The following CHIT1 variants were observed in gnomAD, a reference collection of about 807,000 sequenced individuals.
CHIT1 encodes the protein chitotriosidase-1.
Under a neutral mutation model 52.0 loss-of-function variants are expected in CHIT1, and 47 were observed. That is an observed-to-expected ratio of 0.90 (90% CI 0.71 to 1.15). CHIT1 has a LOEUF of 1.15. Ranked by LOEUF, CHIT1 falls within the 50% of genes most tolerant of loss-of-function variation. CHIT1 has a pLI of 0.00. For missense variants in CHIT1, 569 were observed against 583.0 expected (o/e 0.98, Z 0.25); for synonymous variants, 242 against 228.2 (o/e 1.06, Z -0.54).
intron 1 of CHIT1, among the ~76,000 whole-genome samples, chr1:203,228,987 C>T (rs1303758700): frequency 6.6e-6 from 1 of 152,136 alleles, no homozygotes; most frequent in Admixed American, 6.5e-5. Context: ...CTGGGGAGGG[C>T]CTGTGCCTCT....
chr1:203,223,818 C>T (rs1326382867), intron 4 of CHIT1, among the ~76,000 whole-genome samples, 158 bp from the exon 5 acceptor site: 4 of 152,102 alleles, frequency 2.6e-5, no homozygotes, highest in African/African-American at 7.2e-5. Context: ...GGGATATTTG[C>T]TGGTGAGTTA....
In CHIT1 at chr1:203,219,329, C is replaced by A; in HGVS notation, c.916G>T (p.Val306Phe). ...KEGGMLAYYE[V>F]CSWKGATKQR... is the part of the protein sequence containing the mutation. ...TTGGTGGCCCCCTTCCAGGAGCAGACCTGTGGGAGCAGAAGGCAGCACTGG... is the reference window on the plus strand; with the variant it reads ...TTGGTGGCCCCCTTCCAGGAGCAGAACTGTGGGAGCAGAAGGCAGCACTGG... The change falls in exon 9 of 11, where the codon GTC becomes TTC. Residue 306 changes from valine to phenylalanine, a missense_variant and splice_region_variant. By Grantham distance (50) the Val-to-Phe change is conservative. Transcript: ENST00000367229. The A allele has an allele frequency of 6.4e-7, 1 of 1,568,760 alleles. No individual in the cohort carries two copies. The highest frequency in any genetic ancestry group is 8.8e-7 in the Non-Finnish European group (1 of 1,138,540).
Position 203,216,714 on chromosome 1 carries a change from C to G in CHIT1, c.*175G>C. The G allele has an allele frequency of 1.2e-6, 1 of 814,194 alleles. No individual in the cohort carries two copies. The highest frequency in any genetic ancestry group is 1.4e-5 in the South Asian group (1 of 70,256). The allele number at this position is 814,194 out of a possible 1,614,324, so 50.4% of individuals were successfully genotyped here. A position where few individuals can be genotyped will look rare whatever the true frequency, so the allele number is the denominator to read the frequency against. On this transcript the variant is annotated 3_prime_UTR_variant, in exon 11 of 11. Transcript: ENST00000367229. Reference sequence around the variant, plus strand: ...TTTATTTTGCAAGTGAAAGGGGCAGCCCAGGAGACCCAGAAAAAAGGAAGG... The same window carrying G: ...TTTATTTTGCAAGTGAAAGGGGCAGGCCAGGAGACCCAGAAAAAAGGAAGG...
In CHIT1 at chr1:203,222,265, C is replaced by G. The variant is rs370797496; in HGVS notation, c.666G>C (p.Thr222=). 3 of 1,614,156 alleles carry G rather than the reference C, an allele frequency of 1.9e-6. No homozygotes were observed. Among genetic ancestry groups the G allele is most frequent in the Non-Finnish European group, 2.5e-6 (3 of 1,180,040 alleles). The change falls in exon 7 of 11, where the codon ACG becomes ACC. Residue 222 remains threonine (T), a synonymous_variant. Coordinates refer to ENST00000367229, the MANE Select transcript of CHIT1 (RefSeq NM_003465.3). ...YDFHGSWEKV[T]GHNSPLYKRQ... ...TCTTGTAGAGGGGGCTGTTATGTCC[C>G]GTGACCTTCTCCCAAGAGCCATGGA...
intron 4 of CHIT1, 104 bp from the exon 5 acceptor site, chr1:203,223,764 T>C (rs1271087347): frequency 1.6e-6 from 2 of 1,231,718 alleles, no homozygotes; most frequent in Non-Finnish European, 2.4e-6. Context: ...CGTCTCTGTG[T>C]CTGGGCTAGG....
rs1402870472 is a variant in CHIT1, at chr1:203,219,720, C to T, written c.859G>A (p.Gly287Arg). 3 of 1,614,122 alleles carry T rather than the reference C, an allele frequency of 1.9e-6. No individual in the cohort carries two copies. The highest frequency in any genetic ancestry group is 1.7e-5 in the Admixed American group (1 of 60,024). The change falls in exon 8 of 11, where the codon GGG becomes AGG. Residue 287 changes from glycine (G) to arginine (R), a missense_variant. Transcript: ENST00000367229. ...SDTRVGAPAT[G>R]SGTPGPFTKE... ...GTGAAGGGGCCTGGAGTGCCAGACC[C>T]TGTGGCTGGGGCCCCCACTCTGGTG...
chr1:203,224,611 G>A (rs1481885218), intron 4 of CHIT1, among the ~76,000 whole-genome samples: 2 of 152,052 alleles, frequency 1.3e-5, no homozygotes, highest in Non-Finnish European at 2.9e-5. Context: ...CAATACTCTG[G>A]CATCCAGGCT....
chr1:203,224,917 G>A (rs1332028946), intron 4 of CHIT1, 131 bp downstream of exon 4: 7 of 820,940 alleles, frequency 8.5e-6, no homozygotes, highest in African/African-American at 6.7e-5. Flanking sequence ...AGCCCTCAGA[G>A]TTCAGCTCCC....
rs1015068922 is a variant in CHIT1, at chr1:203,226,820, T to C, written c.56-950A>G. On this transcript the variant is annotated intron_variant, in intron 2 of 10. Transcript: ENST00000367229. ...GGACACCAGGAAGCAAGAATGCTAGTCTTCATTCCAGCATCTGCCAAAAAT... is the reference window on the plus strand; with the variant it reads ...GGACACCAGGAAGCAAGAATGCTAGCCTTCATTCCAGCATCTGCCAAAAAT... Among the ~76,000 whole-genome samples the C allele has an allele frequency of 3.3e-5, 5 of 152,204 alleles. No homozygotes were observed. In the East Asian group the frequency reaches 9.7e-4, roughly 29 times the overall value.
intron 2 of CHIT1, among the ~76,000 whole-genome samples, chr1:203,227,631 T>C (rs1656973437): frequency 6.6e-6 from 1 of 152,222 alleles, no homozygotes; most frequent in Non-Finnish European, 1.5e-5. Flanking sequence ...AGTTAATATA[T>C]GTAAAACACT....
rs778655930 is a variant in CHIT1, at chr1:203,222,266, G to A, written c.665C>T (p.Thr222Met). Residue 222 changes from threonine to methionine, a missense_variant, in exon 7 of 11, where the codon ACG (threonine) becomes ATG (methionine). Thr to Met is a moderately conservative substitution (Grantham distance 81). Transcript: ENST00000367229. The part of the protein sequence containing the change: ...YDFHGSWEKV[T>M]GHNSPLYKRQ... ...CTTGTAGAGGGGGCTGTTATGTCCC[G>A]TGACCTTCTCCCAAGAGCCATGGAA... 27 of 1,614,056 alleles carry A rather than the reference G, an allele frequency of 1.7e-5. No individual in the cohort carries two copies. Among genetic ancestry groups the A allele is most frequent in the African/African-American group, 6.7e-5 (5 of 74,918 alleles).
intron 1 of CHIT1, among the ~76,000 whole-genome samples, chr1:203,229,313 G>A (rs1326543272): frequency 6.6e-6 from 1 of 152,142 alleles, no homozygotes; most frequent in Non-Finnish European, 1.5e-5. Context: ...CCAGTGCAGG[G>A]GCCTCATTGA....
intron 2 of CHIT1, among the ~76,000 whole-genome samples, chr1:203,228,321 C>G (rs968131386): frequency 1.3e-5 from 2 of 152,228 alleles, no homozygotes; most frequent in Non-Finnish European, 2.9e-5. Flanking sequence ...GCTGGCCCCA[C>G]AGATGTGCAG....
chr1:203,220,802 T>C (rs1656706567), intron 7 of CHIT1, among the ~76,000 whole-genome samples: 1 of 152,254 alleles, frequency 6.6e-6, no homozygotes, highest in African/African-American at 2.4e-5. Flanking sequence ...TGATCTGTTA[T>C]AGCACTTTTG....
Position 203,217,076 on chromosome 1 carries a change from G to A in CHIT1, c.1214C>T (p.Pro405Leu), listed in dbSNP as rs1656560753. 1.2e-6 allele frequency: 2 copies of A among 1,613,120 alleles called. No individual in the cohort carries two copies. Among genetic ancestry groups the A allele is most frequent in the Non-Finnish European group, 1.7e-6 (2 of 1,180,044 alleles). The stretch of plus-strand genomic sequence containing the variant: ...GCTGGGGCCATGCTCAGGTTCAGAG[G>A]GCTGACCTGGTTTTGGAACTTCAAG... ...PELEVPKPGQPSEPEHGPSPG... is the reference protein window; with the variant it reads ...PELEVPKPGQLSEPEHGPSPG... Residue 405 changes from proline to leucine, a missense_variant, in exon 11 of 11, where the codon CCC (proline) becomes CTC (leucine). Coordinates refer to ENST00000367229, the MANE Select transcript of CHIT1 (RefSeq NM_003465.3).
intron 2 of CHIT1, among the ~76,000 whole-genome samples, chr1:203,227,565 C>T (rs556212527): frequency 1.5e-4 from 23 of 152,306 alleles, no homozygotes; most frequent in Admixed American, 5.2e-4. Flanking sequence ...CTGTGTGAAA[C>T]GGGGAGACCA....
intron 7 of CHIT1, among the ~76,000 whole-genome samples, chr1:203,221,377 T>C (rs958317323): frequency 2.0e-5 from 3 of 152,184 alleles, no homozygotes; most frequent in Non-Finnish European, 4.4e-5. Flanking sequence ...CTTGTGCCTA[T>C]AATTCCAACA....
intron 8 of CHIT1, 51 bp from the exon 9 acceptor site, chr1:203,219,380 C>G (rs781487066): frequency 9.2e-7 from 1 of 1,087,810 alleles, no homozygotes; most frequent in Non-Finnish European, 1.4e-6. Flanking sequence ...CTCTTGCAGG[C>G]ACCTTCCCTT....
chr1:203,216,530 A>AT lies in CHIT1; in HGVS notation c.*358dup. 2.2e-6 allele frequency: 1 copy of AT among 464,872 alleles called. No individual in the cohort carries two copies. The highest frequency in any genetic ancestry group is 4.3e-6 in the Non-Finnish European group (1 of 234,234). 28.8% of individuals were successfully genotyped at this position (464,872 alleles called of 1,614,324 possible). A position where few individuals can be genotyped will look rare whatever the true frequency, so the allele number is the denominator to read the frequency against. On this transcript the variant is annotated 3_prime_UTR_variant, in exon 11 of 11. Coordinates refer to ENST00000367229, the MANE Select transcript of CHIT1 (RefSeq NM_003465.3). ...TGTGTACTGGAAACTGCCCACTGGC[A>AT]TATGGACTCATGGGGCAAGACCTGC...
Sources: allele counts gnomAD v4.1 joint callset (sites outside exome capture counted in the v4.1 genomes callset), GRCh38; gene constraint gnomAD v4.1.1; transcripts MANE v1.5; gene names NCBI Gene and HGNC (gene_info 2026-07-23, HGNC 2026-07-21).